The following MINDY4 variants were observed in gnomAD, a reference collection of about 807,000 sequenced individuals.
MINDY4 encodes MINDY lysine 48 deubiquitinase 4, also known as probable ubiquitin carboxyl-terminal hydrolase MINDY-4.
MINDY4 carries 68 observed loss-of-function variants against 87.0 expected under a neutral mutation model. That is an observed-to-expected ratio of 0.78 (90% confidence interval 0.64 to 0.96). The LOEUF (loss-of-function observed/expected upper bound fraction) is 0.96, where lower values mean the gene tolerates loss of function less well. Among genes scored for constraint, MINDY4 ranks in the 40% least tolerant of loss-of-function variants. MINDY4 has a pLI of 0.00. For missense variants in MINDY4, 919 were observed against 928.2 expected (o/e 0.99, Z 0.13); for synonymous variants, 379 against 363.2 (o/e 1.04, Z -0.50).
chr7:30,840,244 G>A (rs1171849331), intron 8 of MINDY4, among the ~76,000 whole-genome samples: 1 of 152,178 alleles, frequency 6.6e-6, no homozygotes, highest in East Asian at 1.9e-4. Flanking sequence ...GGTGAGAAAG[G>A]ACAAAGATAC....
At chr7:30,881,141 G>A (rs539515683) in intron 15 of MINDY4, among the ~76,000 whole-genome samples, 21 of 152,306 alleles carry the variant, frequency 1.4e-4, no homozygotes, top group African/African-American at 4.1e-4. Flanking sequence ...CCCGTGGCAC[G>A]TACATAGCTG....
At chr7:30,777,035 G>A (rs543676274) in intron 1 of MINDY4, among the ~76,000 whole-genome samples, 8 of 146,874 alleles carry the variant, frequency 5.4e-5, no homozygotes, top group African/African-American at 1.8e-4. Context: ...TTAGAGATAG[G>A]GTCTCACTCT....
intron 5 of MINDY4, among the ~76,000 whole-genome samples, chr7:30,820,956 A>AT (rs577423680): frequency 1.3e-5 from 2 of 152,012 alleles, no homozygotes; most frequent in African/African-American, 2.4e-5. Flanking sequence ...ACTGAAATGT[A>AT]TTTTTTTTCT....
chr7:30,845,061 G>A (rs942037606), intron 9 of MINDY4, among the ~76,000 whole-genome samples: 2 of 152,128 alleles, frequency 1.3e-5, no homozygotes, highest in African/African-American at 4.8e-5. Flanking sequence ...TGGTGCCCCT[G>A]TGTCACATTG....
intron 13 of MINDY4, among the ~76,000 whole-genome samples, chr7:30,864,644 C>T (rs765723327): frequency 5.9e-5 from 9 of 152,212 alleles, no homozygotes; most frequent in African/African-American, 1.7e-4. Context: ...GTGTGATTGC[C>T]GTGGCCAGGC....
At chr7:30,788,524 T>A (rs893866214) in intron 4 of MINDY4, among the ~76,000 whole-genome samples, 1 of 152,030 alleles carries the variant, frequency 6.6e-6, no homozygotes, top group Non-Finnish European at 1.5e-5. Context: ...ATCCAAGAAG[T>A]TTTTAAGTAT....
chr7:30,858,940 G>T, intron 12 of MINDY4: 1 of 599,536 alleles, frequency 1.7e-6, no homozygotes, highest in Non-Finnish European at 3.2e-6. Flanking sequence ...GGGTGATAAT[G>T]CCCATTAGAT....
intron 5 of MINDY4, among the ~76,000 whole-genome samples, chr7:30,807,461 A>G (rs1185001432): frequency 6.6e-6 from 1 of 152,182 alleles, no homozygotes; most frequent in Non-Finnish European, 1.5e-5. Flanking sequence ...CTAGGAGTAT[A>G]TTAAAAGAAG....
chr7:30,880,311 C>A (rs1017869320), intron 15 of MINDY4, among the ~76,000 whole-genome samples: 4 of 149,362 alleles, frequency 2.7e-5, no homozygotes, highest in African/African-American at 7.5e-5. Flanking sequence ...CACCCCCCCC[C>A]ACCCCCGACT....
intron 9 of MINDY4, among the ~76,000 whole-genome samples, chr7:30,845,761 G>A (rs77183890): frequency 0.04 from 6,090 of 152,260 alleles, 150 homozygotes; most frequent in Middle Eastern, 0.092. Flanking sequence ...GGATGGGATC[G>A]CACCCTCCAG....
At chr7:30,889,578 G>A (rs1216265346) in intron 17 of MINDY4, among the ~76,000 whole-genome samples, 1 of 152,224 alleles carries the variant, frequency 6.6e-6, no homozygotes, top group Non-Finnish European at 1.5e-5. Flanking sequence ...TATTTGAGCA[G>A]TGAAGATGAA....
chr7:30,828,466 C>T (rs1788587328), intron 5 of MINDY4, among the ~76,000 whole-genome samples: 1 of 152,086 alleles, frequency 6.6e-6, no homozygotes, highest in Non-Finnish European at 1.5e-5. Context: ...TTTGTGAGAA[C>T]ACAGAATCGA....
At chr7:30,838,514 T>C (rs1788930669) in intron 7 of MINDY4, among the ~76,000 whole-genome samples, 1 of 152,180 alleles carries the variant, frequency 6.6e-6, no homozygotes, top group African/African-American at 2.4e-5. Flanking sequence ...CAGTGTGATC[T>C]CTGCTGCACC....
intron 5 of MINDY4, among the ~76,000 whole-genome samples, chr7:30,801,418 C>T (rs1157897852): frequency 2.6e-5 from 4 of 152,144 alleles, no homozygotes; most frequent in South Asian, 2.1e-4. Context: ...CTGGTTCAGC[C>T]TCACCTTCTT....
intron 4 of MINDY4, among the ~76,000 whole-genome samples, chr7:30,788,203 A>G (rs1787213007): frequency 6.6e-6 from 1 of 152,208 alleles, no homozygotes; most frequent in African/African-American, 2.4e-5. Context: ...TGGAAAAGGG[A>G]AAGTATTTTA....
chr7:30,810,618 C>G (rs1787962080), intron 5 of MINDY4, among the ~76,000 whole-genome samples: 1 of 152,084 alleles, frequency 6.6e-6, no homozygotes, highest in Non-Finnish European at 1.5e-5. Flanking sequence ...AAGCACTAAC[C>G]TGCTCTATAA....
At chr7:30,884,944 C>T (rs538289102) in intron 17 of MINDY4, among the ~76,000 whole-genome samples, 1 of 152,182 alleles carries the variant, frequency 6.6e-6, no homozygotes, top group African/African-American at 2.4e-5. Context: ...CTTCCCCTGC[C>T]CCTTGTTCAC....
intron 13 of MINDY4, among the ~76,000 whole-genome samples, chr7:30,862,862 A>G (rs939122414): frequency 6.6e-6 from 1 of 152,168 alleles, no homozygotes; most frequent in African/African-American, 2.4e-5. Flanking sequence ...TTTTTAAACT[A>G]TGTTTGTAAT....
intron 2 of MINDY4, 82 bp downstream of exon 2, chr7:30,778,633 AG>A: frequency 6.5e-7 from 1 of 1,541,884 alleles, no homozygotes; most frequent in Non-Finnish European, 8.9e-7. Flanking sequence ...TGCCAGTGAC[AG>A]GAGAGGCTTG....
Sources: gnomAD v4.1 joint callset for allele counts (sites outside exome capture counted in the v4.1 genomes callset) on GRCh38, gnomAD v4.1.1 for gene constraint, MANE v1.5 for transcripts, NCBI Gene and HGNC (gene_info 2026-07-23, HGNC 2026-07-21) for gene names.